TENM3: variants seen among roughly 807,000 people sequenced by gnomAD.
TENM3 encodes teneurin-3.
TENM3 carries 63 observed loss-of-function variants against 255.1 expected under a neutral mutation model. The observed-to-expected ratio is 0.25, with a 90% CI of 0.20 to 0.30. The LOEUF (loss-of-function observed/expected upper bound fraction) is 0.30. Among genes scored for constraint, TENM3 ranks in the 10% least tolerant of loss-of-function variants. The pLI, the probability that TENM3 is intolerant of heterozygous loss-of-function variation, is 1.00. For missense variants in TENM3, 2,929 were observed against 3,461.1 expected, an observed-to-expected ratio of 0.85 and a Z score of 3.86; for synonymous variants, 1,306 against 1,322.3, an observed-to-expected ratio of 0.99 and a Z score of 0.27.
chr4:182,789,539 G>A lies in TENM3; in HGVS notation c.5601+150G>A. On this transcript the variant is annotated intron_variant, in intron 25 of 27. Coordinates refer to ENST00000511685, the MANE Select transcript of TENM3 (RefSeq NM_001080477.4). The surrounding 1 kb of genome is among the most constrained non-coding windows in gnomAD (Gnocchi z 4.4). The stretch of plus-strand genomic sequence containing the variant: ...TCAATACGGAAGTCACATTGGCACA[G>A]CAGTGATGAATTTCTGCATTAGCAA... 1.3e-6 allele frequency: 1 copy of A among 780,860 alleles called. No individual in the cohort carries two copies. The highest frequency in any genetic ancestry group is 2.9e-5 in the Admixed American group (1 of 34,056). 48.4% of individuals were successfully genotyped at this position (780,860 alleles called of 1,614,324 possible).
chr4:181,499,494 G>A, the TENM3 span, among the ~76,000 whole-genome samples: 4 of 152,174 alleles, frequency 2.6e-5, no homozygotes, highest in Non-Finnish European at 5.9e-5. Flanking sequence ...GCAGTATAGT[G>A]AGAATATGTG....
chr4:181,513,037 A>T, the TENM3 span, among the ~76,000 whole-genome samples: 1 of 152,184 alleles, frequency 6.6e-6, no homozygotes, highest in African/African-American at 2.4e-5. Context: ...TATATAGACA[A>T]TGTTTCTTTA....
chr4:181,612,141 G>C, the TENM3 span, among the ~76,000 whole-genome samples: 1 of 152,286 alleles, frequency 6.6e-6, no homozygotes, highest in Middle Eastern at 3.4e-3. Context: ...CAGCCTCTCA[G>C]TGCCAGTGGC....
chr4:182,378,155 G>T (rs1156338780), intron 3 of TENM3, among the ~76,000 whole-genome samples: 4 of 152,180 alleles, frequency 2.6e-5, no homozygotes, highest in Non-Finnish European at 5.9e-5. Flanking sequence ...GCTTCTTAAA[G>T]GCAGTGAGCT....
chr4:182,560,710 G>T (rs1226470636), intron 3 of TENM3, among the ~76,000 whole-genome samples: 1 of 152,154 alleles, frequency 6.6e-6, no homozygotes, highest in African/African-American at 2.4e-5. Flanking sequence ...ATAGCACCAC[G>T]TCTATAGCAG....
At chr4:182,091,230 A>C in the TENM3 span, among the ~76,000 whole-genome samples, 1 of 152,254 alleles carries the variant, frequency 6.6e-6, no homozygotes, top group Non-Finnish European at 1.5e-5. Context: ...CAATTTGAGA[A>C]GAGCAGCCAA....
the TENM3 span, among the ~76,000 whole-genome samples, chr4:181,537,116 C>T: frequency 1.3e-5 from 2 of 151,848 alleles, no homozygotes; most frequent in Non-Finnish European, 2.9e-5. Flanking sequence ...AAACCTCACC[C>T]TCCTTTAAAA....
intron 22 of TENM3, among the ~76,000 whole-genome samples, chr4:182,769,037 CT>C (rs749343622): frequency 3.7e-4 from 56 of 152,336 alleles, no homozygotes; most frequent in Non-Finnish European, 6.0e-4. Flanking sequence ...GGAAAACTAC[CT>C]CTCAAATCTA....
the TENM3 span, among the ~76,000 whole-genome samples, chr4:181,628,815 G>A: frequency 3.5e-4 from 54 of 152,184 alleles, no homozygotes; most frequent in Admixed American, 8.5e-4. Context: ...TTGGCAGTGC[G>A]GCCTCTTTTT....
the TENM3 span, among the ~76,000 whole-genome samples, chr4:182,135,319 G>A: frequency 4.6e-5 from 7 of 151,768 alleles, no homozygotes; most frequent in South Asian, 2.1e-4. Context: ...CACTTGGGAC[G>A]TTTGTACCCT....
the TENM3 span, among the ~76,000 whole-genome samples, chr4:181,580,622 C>T: frequency 2.6e-5 from 4 of 152,018 alleles, no homozygotes; most frequent in South Asian, 2.1e-4. Flanking sequence ...GAAGGAGAAA[C>T]GAGGGAGTCC....
chr4:181,740,075 C>T, the TENM3 span, among the ~76,000 whole-genome samples: 2 of 152,152 alleles, frequency 1.3e-5, 1 homozygote, highest in South Asian at 4.1e-4. Flanking sequence ...AAAGCACATA[C>T]CGAAATGTTT....
chr4:182,596,922 A>C (rs1256408326), intron 3 of TENM3, among the ~76,000 whole-genome samples: 1 of 152,180 alleles, frequency 6.6e-6, no homozygotes, highest in Admixed American at 6.5e-5. Flanking sequence ...TCTGTGTATC[A>C]GTGAATTTGT....
intron 12 of TENM3, among the ~76,000 whole-genome samples, chr4:182,690,924 A>G (rs1207301748): frequency 6.6e-6 from 1 of 152,238 alleles, no homozygotes; most frequent in Non-Finnish European, 1.5e-5. Flanking sequence ...CATATGAATA[A>G]CATTGTGGGA....
At chr4:182,066,742 C>G in the TENM3 span, among the ~76,000 whole-genome samples, 1 of 151,750 alleles carries the variant, frequency 6.6e-6, no homozygotes, top group Admixed American at 6.6e-5. Flanking sequence ...AACCCCGTCT[C>G]CACTAAAAAT....
the TENM3 span, among the ~76,000 whole-genome samples, chr4:181,941,769 G>A: frequency 6.6e-6 from 1 of 152,142 alleles, no homozygotes; most frequent in South Asian, 2.1e-4. Flanking sequence ...CCTGGGTTAT[G>A]GACATGATTC....
chr4:182,783,935 G>A (rs977088316), intron 24 of TENM3, among the ~76,000 whole-genome samples: 5 of 152,000 alleles, frequency 3.3e-5, no homozygotes, highest in Admixed American at 2.0e-4. Flanking sequence ...CTCTGTATTG[G>A]TTATTCTAGT....
rs190565386 is a variant in TENM3, at chr4:182,337,669, A to G, written c.233-8982A>G. ...CATCTCCCACTGGACCCAGCAATTC[A>G]TCTCCTTAGTATTTACCCAAAGTAA... is the stretch of plus-strand genomic sequence containing the variant. On this transcript the variant is annotated intron_variant, in intron 2 of 27. Coordinates refer to ENST00000511685, the MANE Select transcript of TENM3 (RefSeq NM_001080477.4). Among the ~76,000 whole-genome samples the G allele has an allele frequency of 6.6e-4, 100 of 152,336 alleles. 4 individuals carry two copies. The East Asian group carries it at 0.016, about 25-fold the overall frequency.
chr4:181,788,579 T>A, the TENM3 span, among the ~76,000 whole-genome samples: 1 of 152,138 alleles, frequency 6.6e-6, no homozygotes, highest in African/African-American at 2.4e-5. Context: ...GTGCGGAAAG[T>A]GTCTCCCATC....
Sources: allele counts gnomAD v4.1 joint callset (sites outside exome capture counted in the v4.1 genomes callset), GRCh38; gene constraint gnomAD v4.1.1; non-coding constraint Gnocchi (gnomAD v3.1); transcripts MANE v1.5; gene names NCBI Gene and HGNC (gene_info 2026-07-23, HGNC 2026-07-21).